Variants in ST3GAL3 observed in about 807,000 individuals in gnomAD.
ST3GAL3 encodes ST3 beta-galactoside alpha-2,3-sialyltransferase 3, also known as CMP-N-acetylneuraminate-beta-1,4-galactoside alpha-2,3-sialyltransferase.
In ST3GAL3, 21 loss-of-function variants were observed where a neutral mutation model predicts 50.1. The observed-to-expected ratio is 0.42, with a 90% confidence interval of 0.30 to 0.60. ST3GAL3 has a LOEUF of 0.60. ST3GAL3 is among the 20% of genes least tolerant of loss of function. The probability of loss-of-function intolerance (pLI) is 0.19; values close to 1 mark genes in which losing one functional copy is unlikely to be tolerated. For synonymous variants in ST3GAL3, 183 were observed against 190.0 expected, an observed-to-expected ratio of 0.96 and a Z score of 0.30; for missense variants, 353 against 489.4, an observed-to-expected ratio of 0.72 and a Z score of 2.63.
rs191865231 is a variant in ST3GAL3, at chr1:43,806,605, A to G, written c.167-8286A>G. Among the ~76,000 whole-genome samples the G allele has an allele frequency of 1.1e-4, 17 of 152,354 alleles. No individual in the cohort carries two copies. The East Asian group carries it at 3.3e-3, about 29-fold the overall frequency. On this transcript the variant is annotated intron_variant, in intron 3 of 11. Coordinates refer to ENST00000347631, the MANE Select transcript of ST3GAL3 (RefSeq NM_006279.5). ...GGCAAAGATAAGTCTGATTTGTACC[A>G]TTTTGAGCTAGAGGTAACTGTGGAT...
chr1:43,751,146 CTG>C (rs1250707306), intron 2 of ST3GAL3, among the ~76,000 whole-genome samples: 2 of 152,090 alleles, frequency 1.3e-5, no homozygotes, highest in African/African-American at 2.4e-5. Flanking sequence ...AATATTCTCA[CTG>C]TTTTTTAAAG....
At chr1:43,775,933 A>ATGACT (rs1697069013) in intron 2 of ST3GAL3, among the ~76,000 whole-genome samples, 1 of 152,198 alleles carries the variant, frequency 6.6e-6, no homozygotes, top group Non-Finnish European at 1.5e-5. Flanking sequence ...ATTTGTCCAC[A>ATGACT]GTCAGCCTCC....
At chr1:43,733,854 G>A (rs1448710728) in intron 1 of ST3GAL3, among the ~76,000 whole-genome samples, 7 of 152,186 alleles carry the variant, frequency 4.6e-5, no homozygotes, top group African/African-American at 1.7e-4. Flanking sequence ...GGTGGCTCAC[G>A]CCTGTAATCC....
intron 3 of ST3GAL3, among the ~76,000 whole-genome samples, chr1:43,807,877 A>G (rs2060086166): frequency 6.6e-6 from 1 of 152,120 alleles, no homozygotes; most frequent in South Asian, 2.1e-4. Context: ...GTTGTTCGTT[A>G]AGGTGGGAAA....
intron 5 of ST3GAL3, among the ~76,000 whole-genome samples, chr1:43,862,465 A>G (rs754807185): frequency 9.2e-5 from 14 of 152,116 alleles, no homozygotes; most frequent in Non-Finnish European, 2.1e-4. Flanking sequence ...TCCTATCACC[A>G]CACTCCTTGC....
intron 5 of ST3GAL3, among the ~76,000 whole-genome samples, chr1:43,856,254 A>G (rs1250072406): frequency 2.6e-5 from 4 of 152,264 alleles, no homozygotes; most frequent in Admixed American, 2.6e-4. Flanking sequence ...ATACACACAC[A>G]ATCGTTACAC....
chr1:43,882,590 C>T (rs1360420372), intron 5 of ST3GAL3, among the ~76,000 whole-genome samples: 1 of 152,194 alleles, frequency 6.6e-6, no homozygotes, highest in Non-Finnish European at 1.5e-5. Flanking sequence ...AAGATGGCTC[C>T]AGCTGTTCTA....
intron 1 of ST3GAL3, among the ~76,000 whole-genome samples, chr1:43,726,829 A>G (rs1673149605): frequency 6.7e-6 from 1 of 150,284 alleles, no homozygotes; most frequent in South Asian, 2.1e-4. Context: ...CCTGACCTCA[A>G]ATGATCCGCC....
chr1:43,733,624 G>A (rs914964116), intron 1 of ST3GAL3, among the ~76,000 whole-genome samples: 1 of 152,070 alleles, frequency 6.6e-6, no homozygotes, highest in African/African-American at 2.4e-5. Flanking sequence ...GAGTTGGTTC[G>A]ATATCTGGCA....
intron 5 of ST3GAL3, among the ~76,000 whole-genome samples, chr1:43,883,127 TA>T (rs1367474919): frequency 6.6e-6 from 1 of 152,044 alleles, no homozygotes; most frequent in Non-Finnish European, 1.5e-5. Context: ...CATGACTGGC[TA>T]AATTTTTCAA....
rs541209354 is a variant in ST3GAL3 at position 43,843,869 on chromosome 1, G to A, written c.302+5558G>A. On this transcript the variant is annotated intron_variant, in intron 5 of 11. Transcript: ENST00000347631. ...CTGGCATTATCCACCTGGAGATGGC[G>A]TCAGATCCCACAGGTTGACGGCCGA... Among the ~76,000 whole-genome samples, 4 of 152,232 alleles carry A rather than the reference G, an allele frequency of 2.6e-5. No homozygotes were observed. In the East Asian group the frequency reaches 5.8e-4, roughly 22 times the overall value.
chr1:43,715,171 C>T (rs181288738), intron 1 of ST3GAL3, among the ~76,000 whole-genome samples: 59 of 152,018 alleles, frequency 3.9e-4, no homozygotes, highest in African/African-American at 1.3e-3. Flanking sequence ...TCGGGATTCC[C>T]TTAAAGTTTA....
At chr1:43,822,034 G>T (rs2062167821) in intron 4 of ST3GAL3, among the ~76,000 whole-genome samples, 1 of 152,190 alleles carries the variant, frequency 6.6e-6, no homozygotes, top group Non-Finnish European at 1.5e-5. Flanking sequence ...GCAAGACAAG[G>T]GAATGCTGTT....
rs2084861679 is a variant in ST3GAL3 at position 43,930,357 on chromosome 1, C to T, written c.*136C>T. 2.3e-5 allele frequency: 19 copies of T among 817,208 alleles called. No individual in the cohort carries two copies. The South Asian group carries it at 2.6e-4, about 11-fold the overall frequency. The allele number at this position is 817,208 out of a possible 1,614,324, so 50.6% of individuals were successfully genotyped here. The stretch of plus-strand genomic sequence containing the variant: ...GGCAGCAAGGCCTTGGTGGAGCAGC[C>T]AGAGCTGTGCCTGCTCAGCAGCCAG... On this transcript the variant is annotated 3_prime_UTR_variant, in exon 12 of 12. Coordinates refer to ENST00000347631, the MANE Select transcript of ST3GAL3 (RefSeq NM_006279.5).
At chr1:43,769,855 A>ATTTTT (rs1356087068) in intron 2 of ST3GAL3, among the ~76,000 whole-genome samples, 1 of 151,972 alleles carries the variant, frequency 6.6e-6, no homozygotes, top group Non-Finnish European at 1.5e-5. Flanking sequence ...TTCTGTTTTT[A>ATTTTT]TTTTTTCTCT....
intron 5 of ST3GAL3, chr1:43,850,735 AC>A: frequency 1.3e-6 from 1 of 761,680 alleles, no homozygotes; most frequent in Non-Finnish European, 2.4e-6. Context: ...AGTGCCTCAG[AC>A]AGAGCTCTGC....
intron 11 of ST3GAL3, among the ~76,000 whole-genome samples, chr1:43,923,093 AAAAG>A (rs2083328925): frequency 6.6e-6 from 1 of 152,076 alleles, no homozygotes; most frequent in Non-Finnish European, 1.5e-5. Context: ...CGTCTCAAAA[AAAAG>A]AAAAGAAAAA....
At chr1:43,835,509 G>T (rs2064179485) in intron 4 of ST3GAL3, among the ~76,000 whole-genome samples, 1 of 152,070 alleles carries the variant, frequency 6.6e-6, no homozygotes, top group Non-Finnish European at 1.5e-5. Context: ...CTTGATATTG[G>T]ACTGCCTTCC....
At chr1:43,809,271 A>G (rs2060257197) in intron 3 of ST3GAL3, among the ~76,000 whole-genome samples, 1 of 152,192 alleles carries the variant, frequency 6.6e-6, no homozygotes, top group Non-Finnish European at 1.5e-5. Context: ...CACGGAAGAT[A>G]TGAAAAAAAA....
Sources: gnomAD v4.1 joint callset for allele counts (sites outside exome capture counted in the v4.1 genomes callset) on GRCh38, gnomAD v4.1.1 for gene constraint, MANE v1.5 for transcripts, NCBI Gene and HGNC (gene_info 2026-07-23, HGNC 2026-07-21) for gene names.